Variants in TMEM52B observed in about 807,000 individuals in gnomAD.
TMEM52B encodes the protein transmembrane protein 52B, also known as chromosome 12 open reading frame 59.
In TMEM52B, 11 loss-of-function variants were observed where a neutral mutation model predicts 16.1. The ratio of observed to expected loss-of-function variants is 0.68; its 90% CI spans 0.43 to 1.13. TMEM52B has a LOEUF of 1.13. Ranked by LOEUF, TMEM52B falls within the 50% of genes most tolerant of loss-of-function variation. TMEM52B has a pLI of 0.00. For synonymous variants in TMEM52B, 101 were observed against 93.8 expected (o/e 1.08, Z -0.45); for missense variants, 243 against 230.4 (o/e 1.05, Z -0.35).
chr12:10,185,417 A>G (rs1453281816), intron 3 of TMEM52B, 49 bp downstream of exon 3: 1 of 1,433,206 alleles, frequency 7.0e-7, no homozygotes, highest in Middle Eastern at 1.8e-4. Flanking sequence ...CCTCAAGGCC[A>G]TTAAAAATGA....
intron 1 of TMEM52B, chr12:10,172,243 T>G: frequency 1.8e-6 from 1 of 566,334 alleles, no homozygotes; most frequent in South Asian, 2.3e-5. Flanking sequence ...ATTGGGAAGT[T>G]CGCTGACGCA....
rs71049057 is a variant in TMEM52B, at chr12:10,187,099, G to GTTTTTTTTTT, written c.307+522_307+531dup. Among the ~76,000 whole-genome samples the GTTTTTTTTTT allele has an allele frequency of 7.3e-4, 60 of 82,158 alleles. 6 individuals carry two copies. The highest frequency in any genetic ancestry group is 1.1e-3 in the African/African-American group (23 of 20,246). 53.9% of individuals were successfully genotyped at this position (82,158 alleles called of 152,430 possible). ...CTGTGGTTCTATTCTTTCCATGACG[G>GTTTTTTTTTT]TTTTTTTTTTTTTTTTTTTTTGAGA... is the stretch of plus-strand genomic sequence containing the variant. On this transcript the variant is annotated intron_variant, in intron 4 of 4. Transcript: ENST00000543484.
chr12:10,173,553 G>C (rs1040173664), intron 1 of TMEM52B, among the ~76,000 whole-genome samples: 1 of 151,742 alleles, frequency 6.6e-6, no homozygotes, highest in Non-Finnish European at 1.5e-5. Flanking sequence ...GCTGAGGGGG[G>C]GGGTGGATCA....
intron 1 of TMEM52B, chr12:10,172,369 G>T: frequency 3.5e-6 from 1 of 282,364 alleles, no homozygotes; most frequent in African/African-American, 2.1e-5. Flanking sequence ...CATCAGAGGA[G>T]AGATATTGTA....
chr12:10,189,975 C>G lies in TMEM52B; in HGVS notation c.387C>G (p.Pro129=). Residue 129 remains proline, a synonymous_variant, in exon 5 of 5, where the codon CCC becomes CCG. Coordinates refer to ENST00000543484, the MANE Select transcript of TMEM52B (RefSeq NM_001384896.1). ...AHSHSSLGQL[P]SSLDTLPGYE... ...CCCACAGCTCCCTGGGCCAGCTGCC[C>G]TCCTCTTTGGACACCCTCCCAGGGT... 3 of 1,614,178 alleles carry G rather than the reference C, an allele frequency of 1.9e-6. No individual in the cohort carries two copies. Among genetic ancestry groups the G allele is most frequent in the Non-Finnish European group, 2.5e-6 (3 of 1,180,034 alleles).
At chr12:10,184,025 C>T (rs1161039661) in intron 2 of TMEM52B, among the ~76,000 whole-genome samples, 3 of 152,108 alleles carry the variant, frequency 2.0e-5, no homozygotes, top group African/African-American at 4.8e-5. Context: ...AAGCCTCACC[C>T]CTCAACATCC....
upstream of TMEM52B, among the ~76,000 whole-genome samples, chr12:10,178,030 G>T (rs1376099514): frequency 6.6e-6 from 1 of 150,810 alleles, no homozygotes; most frequent in Non-Finnish European, 1.5e-5. Context: ...CAAGTAGTTG[G>T]GATTACAGGT....
chr12:10,188,535 AGG>A (rs1565428835), intron 4 of TMEM52B, among the ~76,000 whole-genome samples: 5 of 129,232 alleles, frequency 3.9e-5, no homozygotes, highest in African/African-American at 1.3e-4. Flanking sequence ...GAAGGAAGGA[AGG>A]AAAAGAAGAA....
chr12:10,185,346 T>C lies in TMEM52B; in HGVS notation c.115T>C (p.Trp39Arg). ...TCTTTATAGTTGCCTGACCACAGAC[T>C]GGGTACATCTCTGGTATATATGGTA... is the stretch of plus-strand genomic sequence containing the variant. The part of the protein sequence containing the change: ...GNPEHCLTTD[W>R]VHLWYIWLLV... The change falls in exon 3 of 5, where the codon TGG becomes CGG. Residue 39 changes from tryptophan (W) to arginine (R), a missense_variant. Coordinates refer to ENST00000543484, the MANE Select transcript of TMEM52B (RefSeq NM_001384896.1). 1 of 1,607,328 alleles carries C rather than the reference T, an allele frequency of 6.2e-7. No homozygotes were observed. Among genetic ancestry groups the C allele is most frequent in the Non-Finnish European group, 8.5e-7 (1 of 1,173,760 alleles).
chr12:10,178,252 C>T (rs1056766258), upstream of TMEM52B, among the ~76,000 whole-genome samples: 4 of 151,650 alleles, frequency 2.6e-5, no homozygotes, highest in Admixed American at 6.6e-5. Flanking sequence ...CACGGTGGCT[C>T]ACGCCTGTAA....
At chr12:10,173,569 G>A (rs1218190226) in intron 1 of TMEM52B, among the ~76,000 whole-genome samples, 1 of 151,706 alleles carries the variant, frequency 6.6e-6, no homozygotes, top group African/African-American at 2.4e-5. Context: ...GATCACTGAG[G>A]TCAGGAGTTC....
chr12:10,186,464 C>T lies in TMEM52B; in HGVS notation c.182C>T (p.Thr61Met), dbSNP rs753748877. 56 of 1,612,514 alleles carry T rather than the reference C, an allele frequency of 3.5e-5. No individual in the cohort carries two copies. Among genetic ancestry groups the T allele is most frequent in the South Asian group, 2.2e-4 (20 of 90,954 alleles). ...IGALLLLCGL[T>M]SLCFRCCCLS... Reference sequence around the variant, plus strand: ...GCGCTGCTTCTCCTGTGTGGCCTGACGTCCCTGTGCTTCCGCTGCTGCTGT... The same window carrying T: ...GCGCTGCTTCTCCTGTGTGGCCTGATGTCCCTGTGCTTCCGCTGCTGCTGT... Residue 61 changes from threonine (T) to methionine (M), a missense_variant, in exon 4 of 5, where the codon ACG becomes ATG. Physicochemically the swap from Thr to Met is moderately conservative, Grantham distance 81. Coordinates refer to ENST00000543484, the MANE Select transcript of TMEM52B (RefSeq NM_001384896.1).
chr12:10,189,486 T>TG (rs1948929979), intron 4 of TMEM52B, among the ~76,000 whole-genome samples: 1 of 151,432 alleles, frequency 6.6e-6, no homozygotes, highest in Non-Finnish European at 1.5e-5. Context: ...TACCTGGGCA[T>TG]GGTGGCGGGC....
intron 2 of TMEM52B, 104 bp from the exon 3 acceptor site, chr12:10,185,226 A>G: frequency 2.4e-6 from 2 of 828,020 alleles, no homozygotes; most frequent in Admixed American, 2.0e-5. Flanking sequence ...TGCTTTATTT[A>G]TAACAAGGTA....
upstream of TMEM52B, among the ~76,000 whole-genome samples, chr12:10,177,815 T>TAA (rs10631520): frequency 0.3 from 18,654 of 62,786 alleles, 1,512 homozygotes; most frequent in Middle Eastern, 0.38. Flanking sequence ...ATAATAATAA[T>TAA]TTTTTTATTA....
upstream of TMEM52B, among the ~76,000 whole-genome samples, chr12:10,175,701 A>C (rs368994454): frequency 4.6e-5 from 7 of 152,208 alleles, no homozygotes; most frequent in African/African-American, 1.7e-4. Context: ...ACACTTCCCA[A>C]GGGATCTCCC....
At position 10,179,408 on chromosome 12, in the gene TMEM52B, C is replaced by T. The variant is rs572824483; in HGVS notation, c.-167C>T. 3.9e-4 allele frequency: 265 copies of T among 673,738 alleles called. No individual in the cohort carries two copies. The highest frequency in any genetic ancestry group is 6.5e-4 in the Non-Finnish European group (248 of 382,886). 41.7% of individuals were successfully genotyped at this position (673,738 alleles called of 1,614,324 possible). On this transcript the variant is annotated 5_prime_UTR_variant, in exon 1 of 5. Transcript: ENST00000543484. ...AAGCCATAGAAAATAACAGCCAGAG[C>T]GAGTAGGAGGAGACAGAGAGAACGA...
rs1948727698 is a variant in TMEM52B at position 10,172,157 on chromosome 12, G to A, written c.-95+1306G>A. The A allele has an allele frequency of 5.5e-6, 5 of 911,196 alleles. No homozygotes were observed. In the South Asian group the frequency reaches 6.7e-5, roughly 12 times the overall value. The allele number at this position is 911,196 out of a possible 1,614,324, so 56.4% of individuals were successfully genotyped here. Reference sequence around the variant, plus strand: ...TAAAAATATGTGAGCTTCTGCAGAAGTATTTAAATAGCTACTGTTATCTAA... The same window carrying A: ...TAAAAATATGTGAGCTTCTGCAGAAATATTTAAATAGCTACTGTTATCTAA... On this transcript the variant is annotated intron_variant, in intron 1 of 5. Transcript: ENST00000381923.
rs769107289 is a variant in TMEM52B at position 10,189,901 on chromosome 12, C to A, written c.313C>A (p.Gln105Lys). 3.1e-6 allele frequency: 5 copies of A among 1,613,610 alleles called. No homozygotes were observed. Among genetic ancestry groups the A allele is most frequent in the Non-Finnish European group, 4.2e-6 (5 of 1,180,038 alleles). ...TGTTCCTTCTTTCTTCACAGCTCTG[C>A]AGTCGGTGTTTGGCCCTGCAGCTCG... ...STLQSTITSLQSVFGPAARRI... is the reference protein window; with the variant it reads ...STLQSTITSLKSVFGPAARRI... The change falls in exon 5 of 5, where the codon CAG (glutamine) becomes AAG (lysine). Residue 105 changes from glutamine to lysine, a missense_variant. By Grantham distance (53) the Gln-to-Lys change is moderately conservative. Transcript: ENST00000543484.
Sources: allele counts gnomAD v4.1 joint callset (sites outside exome capture counted in the v4.1 genomes callset), GRCh38; gene constraint gnomAD v4.1.1; transcripts MANE v1.5; gene names NCBI Gene and HGNC (gene_info 2026-07-23, HGNC 2026-07-21).